The following STK39 variants were observed in gnomAD, a reference collection of about 807,000 sequenced individuals.
The protein encoded by STK39 is STE20/SPS1-related proline-alanine-rich protein kinase.
STK39 carries 20 observed loss-of-function variants against 77.8 expected under a neutral mutation model. The ratio of observed to expected loss-of-function variants is 0.26; its 90% CI spans 0.18 to 0.37. STK39 has a LOEUF of 0.37. Ranked by LOEUF, STK39 falls within the 10% of genes least tolerant of loss-of-function variation. The probability of loss-of-function intolerance (pLI) is 1.00; values close to 1 mark genes in which losing one functional copy is unlikely to be tolerated. For missense variants in STK39, 479 were observed against 656.5 expected (o/e 0.73, Z 2.95); for synonymous variants, 246 against 234.1 (o/e 1.05, Z -0.47).
At chr2:168,004,593 CATG>C (rs1440305414) in intron 16 of STK39, among the ~76,000 whole-genome samples, 7 of 151,850 alleles carry the variant, frequency 4.6e-5, no homozygotes, top group East Asian at 1.9e-4. Context: ...ATTAGCCTGA[CATG>C]GTGGTGGGTG....
chr2:168,037,795 T>C lies in STK39; in HGVS notation c.1377-20700A>G, dbSNP rs571563251. ...GTTAATTATGCTCATTCCTGAGTGA[T>C]GGTCCGATGGGTAATCATTTTCTTC... On this transcript the variant is annotated intron_variant, in intron 14 of 17. Coordinates refer to ENST00000355999, the MANE Select transcript of STK39 (RefSeq NM_013233.3). Among the ~76,000 whole-genome samples the C allele has an allele frequency of 4.2e-4, 64 of 152,288 alleles. No individual in the cohort carries two copies. In the South Asian group the frequency reaches 4.4e-3, roughly 10 times the overall value.
chr2:168,108,408 C>T (rs912673853), intron 10 of STK39, among the ~76,000 whole-genome samples: 5 of 151,952 alleles, frequency 3.3e-5, no homozygotes, highest in African/African-American at 4.8e-5. Flanking sequence ...ATTAGCCGGG[C>T]GTAGTGGCAT....
At chr2:168,232,396 G>A (rs1457117510) in intron 1 of STK39, among the ~76,000 whole-genome samples, 1 of 151,968 alleles carries the variant, frequency 6.6e-6, no homozygotes, top group East Asian at 1.9e-4. Flanking sequence ...TTTCTTCCAG[G>A]TAGCTCCAAA....
At chr2:168,038,446 A>T (rs1210601841) in intron 14 of STK39, among the ~76,000 whole-genome samples, 1 of 80,874 alleles carries the variant, frequency 1.2e-5, no homozygotes, top group Non-Finnish European at 3.0e-5. Context: ...GGCTAAAATG[A>T]TTTAAAAAAA....
chr2:168,073,338 T>C (rs1380043693), intron 12 of STK39, among the ~76,000 whole-genome samples: 1 of 152,212 alleles, frequency 6.6e-6, no homozygotes, highest in Non-Finnish European at 1.5e-5. Flanking sequence ...GAAGATTTCT[T>C]GTGGTGAACA....
intron 10 of STK39, among the ~76,000 whole-genome samples, chr2:168,081,874 A>G (rs1380859355): frequency 1.3e-5 from 2 of 152,174 alleles, no homozygotes; most frequent in Non-Finnish European, 2.9e-5. Flanking sequence ...TTGCCTACTG[A>G]CATCCATGTA....
chr2:168,175,806 G>T (rs905692416), intron 2 of STK39, among the ~76,000 whole-genome samples: 6 of 152,050 alleles, frequency 3.9e-5, no homozygotes, highest in Non-Finnish European at 8.8e-5. Context: ...GCAAGAAAAA[G>T]ATAACAGTAC....
intron 10 of STK39, among the ~76,000 whole-genome samples, chr2:168,090,367 C>A (rs1686486672): frequency 6.6e-6 from 1 of 152,196 alleles, no homozygotes; most frequent in Admixed American, 6.5e-5. Flanking sequence ...ACCTGCACCA[C>A]AAGGAAACTT....
intron 1 of STK39, among the ~76,000 whole-genome samples, chr2:168,194,139 C>G (rs1385605325): frequency 6.6e-6 from 1 of 152,178 alleles, no homozygotes; most frequent in Non-Finnish European, 1.5e-5. Flanking sequence ...TTTGGCCTAG[C>G]ATGGTGACTC....
intron 5 of STK39, among the ~76,000 whole-genome samples, chr2:168,145,881 G>T (rs1168854407): frequency 1.3e-5 from 2 of 152,052 alleles, no homozygotes; most frequent in Non-Finnish European, 2.9e-5. Context: ...TGTCCAAAGG[G>T]GTTATTATTA....
chr2:168,231,346 AACC>A (rs1339721333), intron 1 of STK39, among the ~76,000 whole-genome samples: 4 of 152,126 alleles, frequency 2.6e-5, no homozygotes, highest in Non-Finnish European at 4.4e-5. Flanking sequence ...ACCAGAAAAT[AACC>A]ACCACCTTTG....
intron 8 of STK39, among the ~76,000 whole-genome samples, chr2:168,135,253 GAAAA>G (rs1333236763): frequency 7.1e-6 from 1 of 141,694 alleles, no homozygotes; most frequent in African/African-American, 2.6e-5. Context: ...CACTTGGTCA[GAAAA>G]AAAAAAAAGG....
chr2:168,207,639 T>A (rs907278063), intron 1 of STK39, among the ~76,000 whole-genome samples: 12 of 152,282 alleles, frequency 7.9e-5, no homozygotes, highest in Middle Eastern at 3.4e-3. Context: ...ACAAAAAAAA[T>A]TTTAAAGCTA....
At chr2:168,170,945 G>C (rs1425250322) in intron 2 of STK39, among the ~76,000 whole-genome samples, 1 of 152,184 alleles carries the variant, frequency 6.6e-6, no homozygotes, top group Non-Finnish European at 1.5e-5. Context: ...AATCCCACGA[G>C]GTCAAAGATG....
At chr2:168,204,646 C>T (rs1689695831) in intron 1 of STK39, among the ~76,000 whole-genome samples, 2 of 152,212 alleles carry the variant, frequency 1.3e-5, no homozygotes, top group African/African-American at 4.8e-5. Flanking sequence ...AGGAAAGCTA[C>T]AGAAAGTATG....
intron 1 of STK39, among the ~76,000 whole-genome samples, chr2:168,217,794 A>G (rs1690063658): frequency 6.6e-6 from 1 of 152,172 alleles, no homozygotes; most frequent in African/African-American, 2.4e-5. Context: ...TTTTTTTCCA[A>G]GTATTTTCAA....
intron 1 of STK39, among the ~76,000 whole-genome samples, chr2:168,220,606 C>A (rs1030890676): frequency 6.6e-6 from 1 of 152,074 alleles, no homozygotes; most frequent in Non-Finnish European, 1.5e-5. Flanking sequence ...GTATAGTCAA[C>A]GCCAAAAGAG....
intron 4 of STK39, among the ~76,000 whole-genome samples, chr2:168,162,236 A>C (rs2105586092): frequency 6.7e-6 from 1 of 148,908 alleles, no homozygotes; most frequent in African/African-American, 2.5e-5. Flanking sequence ...CAGTGAGCCA[A>C]CACCGTGCCA....
At chr2:168,238,237 G>A (rs1558891055) in intron 1 of STK39, among the ~76,000 whole-genome samples, 1 of 152,182 alleles carries the variant, frequency 6.6e-6, no homozygotes, top group East Asian at 1.9e-4. Context: ...AATACTCCCT[G>A]AATGAAGATC....
Sources: allele counts gnomAD v4.1 joint callset (sites outside exome capture counted in the v4.1 genomes callset), GRCh38; gene constraint gnomAD v4.1.1; transcripts MANE v1.5; gene names NCBI Gene and HGNC (gene_info 2026-07-23, HGNC 2026-07-21).